PCNX1: variants seen among roughly 807,000 people sequenced by gnomAD.
PCNX1 encodes the protein pecanex-like protein 1.
In PCNX1, 78 loss-of-function variants were observed where a neutral mutation model predicts 242.2. The ratio of observed to expected loss-of-function variants is 0.32; its 90% confidence interval spans 0.27 to 0.39. The LOEUF (loss-of-function observed/expected upper bound fraction) is 0.39. Ranked by LOEUF, PCNX1 falls within the 10% of genes least tolerant of loss-of-function variation. The probability of loss-of-function intolerance (pLI) is 1.00; values close to 1 mark genes in which losing one functional copy is unlikely to be tolerated. For synonymous variants in PCNX1, 1,024 were observed against 1,032.9 expected, an observed-to-expected ratio of 0.99 and a Z score of 0.17; for missense variants, 2,581 against 2,856.5, an observed-to-expected ratio of 0.90 and a Z score of 2.20.
In PCNX1 at chr14:71,073,663, T is replaced by C. The variant is rs550555906; in HGVS notation, c.4971T>C (p.Phe1657=). ...IPHMLSFNAA[F]SQRWLAWEVI... is the part of the protein sequence containing the mutation. Reference sequence around the variant, plus strand: ...ACATGCTTTCATTTAATGCTGCATTTAGCCAGCGATGGCTAGCTTGGGAAG... The same window carrying C: ...ACATGCTTTCATTTAATGCTGCATTCAGCCAGCGATGGCTAGCTTGGGAAG... The change falls in exon 27 of 36, where the codon TTT becomes TTC. Residue 1657 remains phenylalanine, a synonymous_variant. Transcript: ENST00000304743. 12 of 1,614,124 alleles carry C rather than the reference T, an allele frequency of 7.4e-6. No individual in the cohort carries two copies. In the South Asian group the frequency reaches 1.1e-4, roughly 15 times the overall value.
chr14:71,042,283 C>A (rs1038890039), intron 19 of PCNX1, among the ~76,000 whole-genome samples: 1 of 152,126 alleles, frequency 6.6e-6, no homozygotes, highest in African/African-American at 2.4e-5. Flanking sequence ...ATGTTCCCAA[C>A]TATTACTCTA....
chr14:70,946,714 A>G (rs1332541325), intron 1 of PCNX1, among the ~76,000 whole-genome samples: 1 of 152,172 alleles, frequency 6.6e-6, no homozygotes, highest in South Asian at 2.1e-4. Flanking sequence ...CAAACTAGCC[A>G]TATTTCAGTT....
At chr14:71,038,711 T>C (rs1411809569) in intron 19 of PCNX1, among the ~76,000 whole-genome samples, 20 of 151,744 alleles carry the variant, frequency 1.3e-4, no homozygotes, top group South Asian at 4.2e-4. Flanking sequence ...ACCCAGCCAT[T>C]CCATTACTGG....
rs143755796 is a variant in PCNX1 at position 71,067,502 on chromosome 14, T to G, written c.4853-6043T>G. ...TTGTGTCCATTTGATTCTGCTCTCTTTTCTTCATTTGTCTGACTATTGTTC... is the reference window on the plus strand; with the variant it reads ...TTGTGTCCATTTGATTCTGCTCTCTGTTCTTCATTTGTCTGACTATTGTTC... On this transcript the variant is annotated intron_variant, in intron 26 of 35. Transcript: ENST00000304743. 5.0e-4 allele frequency among the ~76,000 whole-genome samples: 76 copies of G among 152,294 alleles called. No individual in the cohort carries two copies. The East Asian group carries it at 0.013, about 27-fold the overall frequency.
intron 1 of PCNX1, among the ~76,000 whole-genome samples, chr14:70,917,589 A>G (rs2056200986): frequency 6.6e-6 from 1 of 152,188 alleles, no homozygotes; most frequent in African/African-American, 2.4e-5. Context: ...TATTTAGTAA[A>G]CCATGCTGTA....
At chr14:71,100,947 T>C (rs910467493) in intron 30 of PCNX1, among the ~76,000 whole-genome samples, 7 of 152,198 alleles carry the variant, frequency 4.6e-5, no homozygotes, top group Non-Finnish European at 7.4e-5. Flanking sequence ...GCAGGTATTA[T>C]CAACTCAACC....
rs551956505 is a variant in PCNX1 at position 71,086,465 on chromosome 14, GAC to G, written c.5338-1861_5338-1860del. ...AAATAATTCTTGAACTTTGTTTTGT[GAC>G]ACAGTTAAATTCTTTGGGGACAGTT... On this transcript the variant is annotated intron_variant, in intron 28 of 35. Transcript: ENST00000304743. Among the ~76,000 whole-genome samples the G allele has an allele frequency of 1.5e-3, 235 of 152,256 alleles. 1 individual carries two copies. The highest frequency in any genetic ancestry group is 2.7e-3 in the Non-Finnish European group (182 of 68,020).
rs144508419 is a variant in PCNX1 at position 71,076,314 on chromosome 14, A to G, written c.5232A>G (p.Pro1744=). ...NYVDVDPTFN[P]NIDEDYDHRL... ...TCGATGTGGACCCGACCTTTAATCCAAACATTGATGAAGACTATGACCACC... is the reference window on the plus strand; with the variant it reads ...TCGATGTGGACCCGACCTTTAATCCGAACATTGATGAAGACTATGACCACC... Residue 1744 remains proline (P), a synonymous_variant, in exon 28 of 36, where the codon CCA becomes CCG. Transcript: ENST00000304743. 7.6e-5 allele frequency: 123 copies of G among 1,614,044 alleles called. 1 individual carries two copies. In the African/African-American group the frequency reaches 1.5e-3, roughly 19 times the overall value.
chr14:70,913,457 T>C (rs2056015597), intron 1 of PCNX1, among the ~76,000 whole-genome samples: 1 of 152,212 alleles, frequency 6.6e-6, no homozygotes, highest in Non-Finnish European at 1.5e-5. Context: ...GCAGTACGTA[T>C]GGCTTTTTGT....
chr14:71,092,114 T>C (rs1251616757), intron 30 of PCNX1, among the ~76,000 whole-genome samples: 1 of 152,228 alleles, frequency 6.6e-6, no homozygotes, highest in Non-Finnish European at 1.5e-5. Context: ...AGTTGCTTGA[T>C]ATGTGCCGTA....
At chr14:71,054,331 T>C (rs930515604) in intron 24 of PCNX1, among the ~76,000 whole-genome samples, 1 of 152,236 alleles carries the variant, frequency 6.6e-6, no homozygotes, top group African/African-American at 2.4e-5. Context: ...ACTGCTTCAC[T>C]GAGTAATGTA....
At chr14:71,031,047 A>G (rs958823908) in intron 16 of PCNX1, among the ~76,000 whole-genome samples, 6 of 152,190 alleles carry the variant, frequency 3.9e-5, no homozygotes, top group Non-Finnish European at 8.8e-5. Flanking sequence ...AAACTTCACC[A>G]AGTATACAAG....
intron 7 of PCNX1, among the ~76,000 whole-genome samples, chr14:70,992,951 A>G (rs992398037): frequency 9.9e-5 from 15 of 152,152 alleles, no homozygotes; most frequent in African/African-American, 3.6e-4. Flanking sequence ...CTTCCGAACC[A>G]TATTCCAGTC....
At chr14:71,021,327 T>C (rs1397211949) in intron 12 of PCNX1, among the ~76,000 whole-genome samples, 2 of 152,196 alleles carry the variant, frequency 1.3e-5, no homozygotes, top group Non-Finnish European at 2.9e-5. Flanking sequence ...AGGGGTTGCA[T>C]TGAGTCTGTG....
Position 70,977,325 on chromosome 14 carries a change from G to T in PCNX1, c.988G>T (p.Val330Leu). The T allele has an allele frequency of 6.2e-7, 1 of 1,614,156 alleles. No individual in the cohort carries two copies. The change falls in exon 6 of 36, where the codon GTG (valine) becomes TTG (leucine). Residue 330 changes from valine to leucine, a missense_variant. Val to Leu is a conservative substitution (Grantham distance 32). Around this residue, in one of 9 missense-constraint regions of PCNX1, gnomAD observed 1,204 missense variants for 1,216.7 expected, o/e 0.99. Coordinates refer to ENST00000304743, the MANE Select transcript of PCNX1 (RefSeq NM_014982.3). ...TCTTTCTGGATCCAAAGAATCCTTGGTGGAAAATTCTGGTTTATCTGGGGA... is the reference window on the plus strand; with the variant it reads ...TCTTTCTGGATCCAAAGAATCCTTGTTGGAAAATTCTGGTTTATCTGGGGA... ...KPLSGSKESL[V>L]ENSGLSGEFQ...
intron 28 of PCNX1, among the ~76,000 whole-genome samples, chr14:71,082,866 T>TATGTGA (rs1424153061): frequency 6.6e-6 from 1 of 152,210 alleles, no homozygotes; most frequent in Non-Finnish European, 1.5e-5. Context: ...AATATTGTTA[T>TATGTGA]ATGTGAATTT....
intron 8 of PCNX1, among the ~76,000 whole-genome samples, chr14:71,003,080 CTTTTTT>C (rs3083307): frequency 2.1e-5 from 2 of 95,472 alleles, no homozygotes; most frequent in Admixed American, 1.4e-4. Context: ...TGGTTGTCTT[CTTTTTT>C]TTTTTTTTTT....
At chr14:70,915,063 C>T (rs945527483) in intron 1 of PCNX1, among the ~76,000 whole-genome samples, 6 of 152,138 alleles carry the variant, frequency 3.9e-5, no homozygotes, top group African/African-American at 1.2e-4. Flanking sequence ...CTCAGCATAA[C>T]GTGGTTGAGA....
intron 3 of PCNX1, among the ~76,000 whole-genome samples, chr14:70,966,553 C>T (rs1372695167): frequency 6.6e-6 from 1 of 152,172 alleles, no homozygotes; most frequent in East Asian, 1.9e-4. Flanking sequence ...TTCTCCCACA[C>T]GTTCATTCAC....
Sources: gnomAD v4.1 joint callset for allele counts (sites outside exome capture counted in the v4.1 genomes callset) on GRCh38, gnomAD v4.1.1 for gene constraint, gnomAD v4.1.1 regional missense constraint, MANE v1.5 for transcripts, NCBI Gene and HGNC (gene_info 2026-07-23, HGNC 2026-07-21) for gene names.